Variants in GRIA1 observed in about 807,000 individuals in gnomAD.
The protein encoded by GRIA1 is glutamate receptor 1.
Under a neutral mutation model 99.2 loss-of-function variants are expected in GRIA1, and 31 were observed. The ratio of observed to expected loss-of-function variants is 0.31; its 90% CI spans 0.23 to 0.42. The LOEUF (loss-of-function observed/expected upper bound fraction) is 0.42, where lower values mean the gene tolerates loss of function less well. GRIA1 is among the 10% of genes least tolerant of loss of function. The probability of loss-of-function intolerance (pLI) is 1.00; values close to 1 mark genes in which losing one functional copy is unlikely to be tolerated. For synonymous variants in GRIA1, 438 were observed against 432.4 expected (o/e 1.01, Z -0.16); for missense variants, 782 against 1,157.5 (o/e 0.68, Z 4.71).
intron 2 of GRIA1, among the ~76,000 whole-genome samples, chr5:153,584,502 G>A (rs1763306058): frequency 6.6e-6 from 1 of 152,168 alleles, no homozygotes; most frequent in African/African-American, 2.4e-5. Context: ...CTCCCTCACA[G>A]CAGATGCATT....
chr5:153,516,210 ACT>A (rs996710376), intron 2 of GRIA1, among the ~76,000 whole-genome samples: 3 of 151,970 alleles, frequency 2.0e-5, no homozygotes, highest in Non-Finnish European at 2.9e-5. Flanking sequence ...ACCGAGTGAG[ACT>A]CTGTCTCAAA....
In GRIA1 at chr5:153,624,473, C is replaced by T. The variant is rs968460325; in HGVS notation, c.221-22455C>T. ...GAGGACCAGTTTCTCACTGATCCTC[C>T]TCCCCTGATGCATTTACATGAGAGA... On this transcript the variant is annotated intron_variant, in intron 2 of 15. Transcript: ENST00000285900. Among the ~76,000 whole-genome samples, 4 of 152,156 alleles carry T rather than the reference C, an allele frequency of 2.6e-5. No individual in the cohort carries two copies. The East Asian group carries it at 7.7e-4, about 29-fold the overall frequency.
At chr5:153,597,645 T>A (rs182980974) in intron 2 of GRIA1, among the ~76,000 whole-genome samples, 37 of 152,280 alleles carry the variant, frequency 2.4e-4, no homozygotes, top group African/African-American at 8.9e-4. Context: ...TATTATTGAA[T>A]AAACTTTGCT....
intron 13 of GRIA1, among the ~76,000 whole-genome samples, chr5:153,773,879 G>A (rs963393733): frequency 1.3e-5 from 2 of 151,978 alleles, no homozygotes; most frequent in South Asian, 2.1e-4. Context: ...AAAGAGTAAC[G>A]CTCGTCTTAA....
At chr5:153,595,289 T>C (rs1764328634) in intron 2 of GRIA1, among the ~76,000 whole-genome samples, 1 of 152,216 alleles carries the variant, frequency 6.6e-6, no homozygotes, top group African/African-American at 2.4e-5. Flanking sequence ...GTTCACAAGG[T>C]TAGTTCAGAG....
chr5:153,709,223 C>T (rs980741269), intron 11 of GRIA1, among the ~76,000 whole-genome samples: 19 of 152,214 alleles, frequency 1.2e-4, no homozygotes, highest in African/African-American at 4.6e-4. Flanking sequence ...CTATGTTAGA[C>T]ACTCTGGGTG....
At chr5:153,536,617 C>A (rs745855668) in intron 2 of GRIA1, among the ~76,000 whole-genome samples, 5 of 152,132 alleles carry the variant, frequency 3.3e-5, no homozygotes, top group Non-Finnish European at 7.3e-5. Flanking sequence ...ATTTGCATTC[C>A]ATTTCTTTGG....
chr5:153,600,391 CAAAAAAAAA>C (rs57395601), intron 2 of GRIA1, among the ~76,000 whole-genome samples: 618 of 51,546 alleles, frequency 0.012, 9 homozygotes, highest in African/African-American at 0.052. Flanking sequence ...GACTCCATCT[CAAAAAAAAA>C]AAAAAAAAAA....
At chr5:153,502,174 C>A (rs114428655) in intron 2 of GRIA1, among the ~76,000 whole-genome samples, 2,995 of 152,290 alleles carry the variant, frequency 0.02, 38 homozygotes, top group Middle Eastern at 0.092. Flanking sequence ...ACGCTTATCC[C>A]CAGGTTTTAC....
chr5:153,522,130 A>T (rs1249938879), intron 2 of GRIA1, among the ~76,000 whole-genome samples: 7 of 152,200 alleles, frequency 4.6e-5, no homozygotes, highest in Non-Finnish European at 8.8e-5. Context: ...CTGGAATTAA[A>T]CTGCCTTAGG....
At chr5:153,527,272 CA>C (rs1757687939) in intron 2 of GRIA1, among the ~76,000 whole-genome samples, 1 of 152,126 alleles carries the variant, frequency 6.6e-6, no homozygotes, top group South Asian at 2.1e-4. Flanking sequence ...TGAAATCTTG[CA>C]AATCAAATCC....
chr5:153,745,300 A>AC lies in GRIA1; in HGVS notation c.1824-19134_1824-19133insC, dbSNP rs966770625. Reference sequence around the variant, plus strand: ...ATCAAGTTAGAAATTACAAAAAAAAAAAATAGACTGGGCATGGTGGCTGAC... The same window carrying AC: ...ATCAAGTTAGAAATTACAAAAAAAAACAAATAGACTGGGCATGGTGGCTGAC... On this transcript the variant is annotated intron_variant, in intron 11 of 15. Coordinates refer to ENST00000285900, the MANE Select transcript of GRIA1 (RefSeq NM_000827.4). 7.2e-5 allele frequency among the ~76,000 whole-genome samples: 10 copies of AC among 138,808 alleles called. 1 individual carries two copies. Among genetic ancestry groups the AC allele is most frequent in the African/African-American group, 2.6e-4 (10 of 38,746 alleles). The allele number at this position is 138,808 out of a possible 152,430, so 91.1% of individuals were successfully genotyped here.
Position 153,527,935 on chromosome 5 carries a change from T to C in GRIA1, c.220+33870T>C, listed in dbSNP as rs915985288. ...GTTGTCCATCATGTATTTCAGATGA[T>C]TGCAGTAGTAAAGCTTAGTGCACAC... On this transcript the variant is annotated intron_variant, in intron 2 of 15. Coordinates refer to ENST00000285900, the MANE Select transcript of GRIA1 (RefSeq NM_000827.4). 8.5e-5 allele frequency among the ~76,000 whole-genome samples: 13 copies of C among 152,212 alleles called. 1 individual carries two copies. The highest frequency in any genetic ancestry group is 7.2e-5 in the African/African-American group (3 of 41,456).
At chr5:153,504,318 GAT>G (rs60461919) in intron 2 of GRIA1, among the ~76,000 whole-genome samples, 2 of 149,222 alleles carry the variant, frequency 1.3e-5, no homozygotes, top group African/African-American at 4.9e-5. Context: ...AGGCAAAATA[GAT>G]ATATATATAT....
chr5:153,621,134 A>G (rs755878385), intron 2 of GRIA1, among the ~76,000 whole-genome samples: 114 of 152,328 alleles, frequency 7.5e-4, no homozygotes, highest in Non-Finnish European at 9.4e-4. Context: ...TGTATTATAT[A>G]CTTGCATATC....
intron 2 of GRIA1, among the ~76,000 whole-genome samples, chr5:153,517,190 G>A (rs999745686): frequency 7.9e-5 from 12 of 152,216 alleles, no homozygotes; most frequent in Admixed American, 3.9e-4. Flanking sequence ...CCAGAGGCCC[G>A]AACCAGCGAG....
chr5:153,646,570 C>T (rs1754164247), intron 2 of GRIA1, among the ~76,000 whole-genome samples: 1 of 152,102 alleles, frequency 6.6e-6, no homozygotes. Flanking sequence ...TTGTAGAGAC[C>T]AAGTAAGGTA....
chr5:153,509,511 A>G (rs1262282259), intron 2 of GRIA1, among the ~76,000 whole-genome samples: 1 of 151,988 alleles, frequency 6.6e-6, no homozygotes, highest in Non-Finnish European at 1.5e-5. Flanking sequence ...GAGAGGTTTT[A>G]TCTATTGTTA....
intron 2 of GRIA1, among the ~76,000 whole-genome samples, chr5:153,536,918 C>G (rs1249588302): frequency 1.3e-5 from 2 of 152,176 alleles, no homozygotes; most frequent in Non-Finnish European, 2.9e-5. Flanking sequence ...ATAAGACTAT[C>G]TGGGTTTTAA....
Sources: allele counts gnomAD v4.1 joint callset (sites outside exome capture counted in the v4.1 genomes callset), GRCh38; gene constraint gnomAD v4.1.1; transcripts MANE v1.5; gene names NCBI Gene and HGNC (gene_info 2026-07-23, HGNC 2026-07-21).